The following ZNF208 variants were observed in gnomAD, a reference collection of about 807,000 sequenced individuals.
The protein encoded by ZNF208 is zinc finger protein 95.
ZNF208 carries 10 observed loss-of-function variants against 12.1 expected under a neutral mutation model. The observed-to-expected ratio is 0.83, with a 90% CI of 0.51 to 1.40. ZNF208 has a LOEUF of 1.40. ZNF208 is among the 40% of genes most tolerant of loss of function. ZNF208 has a pLI of 0.00. For missense variants in ZNF208, 1,652 were observed against 1,485.0 expected (o/e 1.11, Z -1.85); for synonymous variants, 497 against 488.4 (o/e 1.02, Z -0.23).
chr19:21,957,959 A>G (rs1460689646), intron 4 of ZNF208, among the ~76,000 whole-genome samples: 1 of 151,970 alleles, frequency 6.6e-6, no homozygotes, highest in Non-Finnish European at 1.5e-5. Flanking sequence ...AGCATTAGGT[A>G]TATCTCCTAA....
chr19:21,962,039 T>C (rs550447729), downstream of ZNF208, among the ~76,000 whole-genome samples: 3 of 152,326 alleles, frequency 2.0e-5, no homozygotes, highest in African/African-American at 7.2e-5. Flanking sequence ...ATTTGGGATC[T>C]GATAAATGTC....
At chr19:21,980,111 C>T (rs1056616435) in intron 3 of ZNF208, among the ~76,000 whole-genome samples, 1 of 151,660 alleles carries the variant, frequency 6.6e-6, no homozygotes, top group Non-Finnish European at 1.5e-5. Context: ...GACTTAGATA[C>T]CCATACTATA....
rs893104996 is a variant in ZNF208 at position 21,969,870 on chromosome 19, G to A, written c.*1321C>T. Among the ~76,000 whole-genome samples, 4 of 152,048 alleles carry A rather than the reference G, an allele frequency of 2.6e-5. No individual in the cohort carries two copies. The highest frequency in any genetic ancestry group is 2.4e-5 in the African/African-American group (1 of 41,416). ...TTTTATTTAGTATGAACTCTCTGAT[G>A]TTTAATAAGCTGTGAGAAGATATTA... On this transcript the variant is annotated 3_prime_UTR_variant, in exon 4 of 4. Coordinates refer to ENST00000397126, the MANE Select transcript of ZNF208 (RefSeq NM_007153.3).
rs1970400246 is a variant in ZNF208 at position 21,974,863 on chromosome 19, G to A, written c.227-56C>T. 29 of 1,446,562 alleles carry A rather than the reference G, an allele frequency of 2.0e-5. No homozygotes were observed. In the South Asian group the frequency reaches 4.4e-4, roughly 22 times the overall value. 89.6% of individuals were successfully genotyped at this position (1,446,562 alleles called of 1,614,324 possible). On this transcript the variant is annotated intron_variant, in intron 3 of 3. Transcript: ENST00000397126. ...TACTTATTAGACTCAGATAAATACA[G>A]TTTCTAAATCTAAACTATAAAATTA...
rs540962189 is a variant in ZNF208 at position 21,969,127 on chromosome 19, A to C, written c.*2064T>G. On this transcript the variant is annotated 3_prime_UTR_variant, in exon 4 of 4. Transcript: ENST00000397126. ...TGAACCTGGAAGCTAGACCTTGGCTAATTTCTTTATTTCTTTTTAGTAAAC... is the reference window on the plus strand; with the variant it reads ...TGAACCTGGAAGCTAGACCTTGGCTCATTTCTTTATTTCTTTTTAGTAAAC... Among the ~76,000 whole-genome samples the C allele has an allele frequency of 6.6e-6, 1 of 152,238 alleles. No individual in the cohort carries two copies. Among genetic ancestry groups the C allele is most frequent in the South Asian group, 2.1e-4 (1 of 4,818 alleles).
rs764772638 is a variant in ZNF208, at chr19:21,972,056, A to G, written c.2978T>C (p.Val993Ala). 33 of 1,611,650 alleles carry G rather than the reference A, an allele frequency of 2.0e-5. No individual in the cohort carries two copies. Among genetic ancestry groups the G allele is most frequent in the Non-Finnish European group, 2.8e-5 (33 of 1,178,708 alleles). ...GTAGGGTTTCTCTCCAGTATGAATT[A>G]CCTTATGTTTAGTAAGGATTGAGAA... ...STFSILTKHK[V>A]IHTGEKPYKC... Residue 993 changes from valine to alanine, a missense_variant, in exon 4 of 4, where the codon GTA (valine) becomes GCA (alanine). Physicochemically the swap from Val to Ala is moderately conservative, Grantham distance 64 (BLOSUM62 0). Coordinates refer to ENST00000397126, the MANE Select transcript of ZNF208 (RefSeq NM_007153.3).
chr19:21,964,744 G>A (rs1970135192), downstream of ZNF208, among the ~76,000 whole-genome samples: 2 of 151,532 alleles, frequency 1.3e-5, no homozygotes, highest in Admixed American at 1.3e-4. Context: ...TCCATTGAGT[G>A]GTCTATAGTT....
chr19:21,963,005 A>G (rs1377487382), downstream of ZNF208, among the ~76,000 whole-genome samples: 2 of 152,108 alleles, frequency 1.3e-5, no homozygotes, highest in African/African-American at 2.4e-5. Flanking sequence ...TTTTTATTAT[A>G]AACTGTATTT....
At position 21,942,313 on chromosome 19, in the gene ZNF208, A is replaced by G. The variant is rs73930942; in HGVS notation, c.306-9076T>C. Among the ~76,000 whole-genome samples the G allele has an allele frequency of 3.4e-3, 516 of 152,266 alleles. 3 individuals are homozygous for G. Among genetic ancestry groups the G allele is most frequent in the African/African-American group, 0.012 (483 of 41,562 alleles). On this transcript the variant is annotated intron_variant, in intron 4 of 4. Transcript: ENST00000599916. ...ATATATAAGATCAAAGATCTGTTAA[A>G]AATAGATATGTTTATCAGTAATTTG...
intron 1 of ZNF208, among the ~76,000 whole-genome samples, chr19:21,989,145 A>G (rs2359814): frequency 0.61 from 92,193 of 151,040 alleles, 28,760 homozygotes; most frequent in African/African-American, 0.71. Context: ...GCGCAGGTTA[A>G]TTACATATGT....
intron 3 of ZNF208, among the ~76,000 whole-genome samples, chr19:21,976,239 A>C (rs540208228): frequency 3.9e-5 from 6 of 152,326 alleles, no homozygotes; most frequent in Admixed American, 2.0e-4. Context: ...TTAAGAGCAG[A>C]CATAATAGGG....
rs1451636919 is a variant in ZNF208, at chr19:21,967,855, T to C, written c.*3336A>G. The C allele has an allele frequency of 6.6e-6, 1 of 152,184 alleles. No homozygotes were observed. The highest frequency in any genetic ancestry group is 1.5e-5 in the Non-Finnish European group (1 of 68,026). The allele number at this position is 152,184 out of a possible 1,614,324, so 9.4% of individuals were successfully genotyped here. A position where few individuals can be genotyped will look rare whatever the true frequency, so the allele number is the denominator to read the frequency against. ...GCTTTAGGCAGAATGACCATTTTAA[T>C]TATATTATTTGAATCCATGAGCAAT... On this transcript the variant is annotated 3_prime_UTR_variant, in exon 4 of 4. Coordinates refer to ENST00000397126, the MANE Select transcript of ZNF208 (RefSeq NM_007153.3).
chr19:21,974,259 A>T lies in ZNF208; in HGVS notation c.775T>A (p.Cys259Ser). Residue 259 changes from cysteine (C) to serine (S), a missense_variant, in exon 4 of 4, where the codon TGT (cysteine) becomes AGT (serine). Around this residue, in one of 3 missense-constraint regions of ZNF208, gnomAD observed 410 missense variants for 378.2 expected, o/e 1.08. Transcript: ENST00000397126. ...VIHTGEKSYK[C>S]EECGKAFNQS... ...TTAAAAGCCTTGCCACATTCTTCAC[A>T]TTTGTAGGATTTCTCTCCAGTATGA... is the stretch of plus-strand genomic sequence containing the variant. 1 of 1,612,956 alleles carries T rather than the reference A, an allele frequency of 6.2e-7. No individual in the cohort carries two copies.
At chr19:21,994,952 T>TC (rs34330725) in intron 1 of ZNF208, among the ~76,000 whole-genome samples, 46,454 of 143,746 alleles carry the variant, frequency 0.32, 8,747 homozygotes, top group East Asian at 0.47. Flanking sequence ...TGTTTTTCTT[T>TC]TCTTTTTTTT....
chr19:21,962,446 T>A (rs926653824), downstream of ZNF208, among the ~76,000 whole-genome samples: 17 of 152,192 alleles, frequency 1.1e-4, no homozygotes, highest in African/African-American at 3.4e-4. Flanking sequence ...AGAACATTTT[T>A]AAAAAATTAA....
intron 1 of ZNF208, among the ~76,000 whole-genome samples, chr19:21,990,370 G>A (rs559681646): frequency 1.3e-5 from 2 of 152,182 alleles, no homozygotes; most frequent in Non-Finnish European, 2.9e-5. Context: ...TTTTTCTCAG[G>A]TTTGTCAAAG....
rs1970191706 is a variant in ZNF208, at chr19:21,967,378, C to T, written c.*3813G>A. The T allele has an allele frequency of 3.3e-5, 5 of 152,090 alleles. No homozygotes were observed. Among genetic ancestry groups the T allele is most frequent in the African/African-American group, 1.2e-4 (5 of 41,426 alleles). The allele number at this position is 152,090 out of a possible 1,614,324, so 9.4% of individuals were successfully genotyped here. A position where few individuals can be genotyped will look rare whatever the true frequency, so the allele number is the denominator to read the frequency against. On this transcript the variant is annotated 3_prime_UTR_variant, in exon 4 of 4. Coordinates refer to ENST00000397126, the MANE Select transcript of ZNF208 (RefSeq NM_007153.3). ...GCAAAGTATAGCTTAATTCAGTACT[C>T]TCTCTTCCATTTCATTGGTCTAGAT...
At chr19:21,952,478 A>G (rs1848998) in intron 4 of ZNF208, among the ~76,000 whole-genome samples, 84,343 of 151,660 alleles carry the variant, frequency 0.56, 23,686 homozygotes, top group East Asian at 0.69. Context: ...AAATATTTGC[A>G]GTTCTGCAAT....
intron 1 of ZNF208, among the ~76,000 whole-genome samples, chr19:22,010,425 G>C (rs913966803): frequency 6.6e-6 from 1 of 152,100 alleles, no homozygotes; most frequent in Non-Finnish European, 1.5e-5. Flanking sequence ...ACAGGAACTG[G>C]GAGCCTCACG....
Sources: gnomAD v4.1 joint callset for allele counts (sites outside exome capture counted in the v4.1 genomes callset) on GRCh38, gnomAD v4.1.1 for gene constraint, gnomAD v4.1.1 regional missense constraint, MANE v1.5 for transcripts, NCBI Gene and HGNC (gene_info 2026-07-23, HGNC 2026-07-21) for gene names.